Variants in KLHDC10 observed in about 807,000 individuals in gnomAD.
The protein encoded by KLHDC10 is kelch domain-containing protein 10.
A neutral mutation model predicts 56.1 loss-of-function variants in KLHDC10; 24 were observed. The observed-to-expected ratio is 0.43, with a 90% CI of 0.31 to 0.60. The LOEUF (loss-of-function observed/expected upper bound fraction) is 0.60, where lower values mean the gene tolerates loss of function less well. Ranked by LOEUF, KLHDC10 falls within the 20% of genes least tolerant of loss-of-function variation. The pLI is 0.11. For missense variants in KLHDC10, 349 were observed against 567.0 expected (o/e 0.62, Z 3.91); for synonymous variants, 188 against 207.1 (o/e 0.91, Z 0.79).
intron 1 of KLHDC10, among the ~76,000 whole-genome samples, chr7:130,086,687 T>G (rs1371495688): frequency 6.6e-6 from 1 of 152,242 alleles, no homozygotes; most frequent in African/African-American, 2.4e-5. Flanking sequence ...ATCTCATGCT[T>G]CTTCATGGCT....
At chr7:130,090,939 A>T (rs1393341897) in intron 1 of KLHDC10, among the ~76,000 whole-genome samples, 1 of 152,156 alleles carries the variant, frequency 6.6e-6, no homozygotes, top group East Asian at 1.9e-4. Flanking sequence ...GTGACCACTA[A>T]TCTGTTCTCT....
At chr7:130,075,004 C>G (rs893076386) in intron 1 of KLHDC10, among the ~76,000 whole-genome samples, 1 of 152,116 alleles carries the variant, frequency 6.6e-6, no homozygotes, top group African/African-American at 2.4e-5. Flanking sequence ...TAAGCACTTG[C>G]CTTTCTCCTG....
chr7:130,073,662 C>A (rs1301047095), intron 1 of KLHDC10, among the ~76,000 whole-genome samples: 1 of 152,130 alleles, frequency 6.6e-6, no homozygotes, highest in Non-Finnish European at 1.5e-5. Flanking sequence ...AGAACCTTTT[C>A]TTACTTTTTA....
intron 2 of KLHDC10, among the ~76,000 whole-genome samples, chr7:130,113,212 C>G (rs1479554512): frequency 6.6e-6 from 1 of 152,122 alleles, no homozygotes; most frequent in African/African-American, 2.4e-5. Flanking sequence ...TGGCTACTGA[C>G]TTGGGCTGTG....
intron 3 of KLHDC10, among the ~76,000 whole-genome samples, chr7:130,119,230 G>T (rs537723393): frequency 6.6e-6 from 1 of 151,382 alleles, no homozygotes. Flanking sequence ...ATAAATAAAG[G>T]CTAGGTGTGG....
At chr7:130,088,915 G>A (rs1344454413) in intron 1 of KLHDC10, among the ~76,000 whole-genome samples, 1 of 152,062 alleles carries the variant, frequency 6.6e-6, no homozygotes, top group Non-Finnish European at 1.5e-5. Flanking sequence ...TTACAGGCCT[G>A]AGCCATCGCC....
At chr7:130,108,753 A>G (rs532086143) in intron 2 of KLHDC10, among the ~76,000 whole-genome samples, 2 of 150,968 alleles carry the variant, frequency 1.3e-5, no homozygotes, top group Admixed American at 6.6e-5. Context: ...AAGAAAAGGG[A>G]AAAAAATGTC....
intron 1 of KLHDC10, among the ~76,000 whole-genome samples, chr7:130,085,158 C>T (rs941635045): frequency 2.0e-5 from 3 of 151,384 alleles, no homozygotes; most frequent in Non-Finnish European, 4.4e-5. Flanking sequence ...CATGGTGAAA[C>T]CCCGTCTCTA....
intron 1 of KLHDC10, among the ~76,000 whole-genome samples, chr7:130,087,465 A>G (rs1795706949): frequency 6.6e-6 from 1 of 152,118 alleles, no homozygotes; most frequent in Non-Finnish European, 1.5e-5. Flanking sequence ...TGTGAGCATT[A>G]AAGCGTCATA....
At chr7:130,088,557 T>C (rs937413684) in intron 1 of KLHDC10, among the ~76,000 whole-genome samples, 3 of 151,888 alleles carry the variant, frequency 2.0e-5, no homozygotes, top group Non-Finnish European at 2.9e-5. Context: ...ATTACAGGCC[T>C]GAGCCACCAG....
intron 5 of KLHDC10, among the ~76,000 whole-genome samples, chr7:130,122,464 T>C (rs918920876): frequency 6.6e-6 from 1 of 152,228 alleles, no homozygotes; most frequent in Non-Finnish European, 1.5e-5. Flanking sequence ...ATTAGGAAGA[T>C]AGTAACACTT....
In KLHDC10 at chr7:130,128,919, T is replaced by TATATATATATATATATACAC. The variant is rs1292651924; in HGVS notation, c.980-517_980-516insTATATATATATATATACACA. 1.8e-3 allele frequency among the ~76,000 whole-genome samples: 203 copies of TATATATATATATATATACAC among 115,582 alleles called. 5 individuals carry two copies. The highest frequency in any genetic ancestry group is 6.1e-3 in the African/African-American group (175 of 28,462). 75.8% of individuals were successfully genotyped at this position (115,582 alleles called of 152,430 possible). A position where few individuals can be genotyped will look rare whatever the true frequency, so the allele number is the denominator to read the frequency against. ...ATATATATATATATATATATATATA[T>TATATATATATATATATACAC]ACATACTAGCCAAAACTTAAAAATC... On this transcript the variant is annotated intron_variant, in intron 8 of 9. Coordinates refer to ENST00000335420, the MANE Select transcript of KLHDC10 (RefSeq NM_014997.4).
At chr7:130,079,190 TGGGATTACAGGTG>T (rs1795563630) in intron 1 of KLHDC10, among the ~76,000 whole-genome samples, 1 of 151,810 alleles carries the variant, frequency 6.6e-6, no homozygotes, top group Admixed American at 6.6e-5. Flanking sequence ...CCCGGGTAGC[TGGGATTACAGGTG>T]CCCGCCACAA....
At chr7:130,098,519 T>G (rs1178165505) in intron 2 of KLHDC10, among the ~76,000 whole-genome samples, 1 of 152,116 alleles carries the variant, frequency 6.6e-6, no homozygotes, top group Non-Finnish European at 1.5e-5. Flanking sequence ...ATTAGATGAT[T>G]TTAGTATTAT....
chr7:130,105,013 C>T (rs1396882758), intron 2 of KLHDC10, among the ~76,000 whole-genome samples: 2 of 152,104 alleles, frequency 1.3e-5, no homozygotes, highest in Non-Finnish European at 2.9e-5. Context: ...GGCGCTCACC[C>T]TCATTGCAAT....
intron 7 of KLHDC10, 101 bp from the exon 8 acceptor site, chr7:130,127,303 T>G (rs1174418385): frequency 4.5e-6 from 4 of 895,342 alleles, no homozygotes; most frequent in Non-Finnish European, 7.4e-6. Flanking sequence ...AACAAAGGGA[T>G]TGTTTTGAGT....
intron 1 of KLHDC10, among the ~76,000 whole-genome samples, chr7:130,089,127 CAT>C (rs978682087): frequency 2.0e-5 from 3 of 151,548 alleles, no homozygotes; most frequent in Non-Finnish European, 4.4e-5. Context: ...AAAAAAAAAA[CAT>C]ATATTTTAAA....
At chr7:130,118,069 A>G (rs1220962624) in intron 3 of KLHDC10, among the ~76,000 whole-genome samples, 1 of 151,922 alleles carries the variant, frequency 6.6e-6, no homozygotes, top group Non-Finnish European at 1.5e-5. Context: ...GCTACTCAGG[A>G]GGCTGAGGCA....
chr7:130,090,374 G>A (rs544771632), intron 1 of KLHDC10, among the ~76,000 whole-genome samples: 1 of 152,152 alleles, frequency 6.6e-6, no homozygotes, highest in Non-Finnish European at 1.5e-5. Flanking sequence ...AATCATTGGA[G>A]CCCAGGAGTT....
Sources: allele counts gnomAD v4.1 joint callset (sites outside exome capture counted in the v4.1 genomes callset), GRCh38; gene constraint gnomAD v4.1.1; transcripts MANE v1.5; gene names NCBI Gene and HGNC (gene_info 2026-07-23, HGNC 2026-07-21).